Variants in HSF1 observed in about 807,000 individuals in gnomAD.
HSF1 encodes heat shock factor protein 1.
HSF1 carries 32 observed loss-of-function variants against 51.7 expected under a neutral mutation model. The ratio of observed to expected loss-of-function variants is 0.62; its 90% CI spans 0.47 to 0.83. The LOEUF is 0.83. Among genes scored for constraint, HSF1 ranks in the 40% least tolerant of loss-of-function variants. The pLI is 0.00. For synonymous variants in HSF1, 396 were observed against 309.7 expected, an observed-to-expected ratio of 1.28 and a Z score of -2.92; for missense variants, 727 against 717.0, an observed-to-expected ratio of 1.01 and a Z score of -0.16.
intron 1 of HSF1, among the ~76,000 whole-genome samples, chr8:144,306,315 A>T (rs1588648125): frequency 7.1e-6 from 1 of 139,992 alleles, no homozygotes; most frequent in African/African-American, 2.7e-5. Context: ...TATGGGTCCT[A>T]GCTTCTTGTT....
At chr8:144,306,440 G>T (rs1327362922) in intron 1 of HSF1, among the ~76,000 whole-genome samples, 1 of 152,004 alleles carries the variant, frequency 6.6e-6, no homozygotes, top group Non-Finnish European at 1.5e-5. Context: ...ACAGCTCACT[G>T]CAGCCTTCAC....
rs782000489 is a variant in HSF1 at position 144,313,980 on chromosome 8, C to T, written c.1315-5C>T. The T allele has an allele frequency of 1.1e-5, 17 of 1,611,186 alleles. No individual in the cohort carries two copies. The highest frequency in any genetic ancestry group is 1.4e-5 in the Non-Finnish European group (16 of 1,179,482). The stretch of plus-strand genomic sequence containing the variant: ...AGTGCTCACAATACCGTCTCCACCC[C>T]ACAGATCCAAGAGCTCCTGTCTCCC... On this transcript the variant is annotated splice_region_variant and splice_polypyrimidine_tract_variant and intron_variant, in intron 11 of 12. Coordinates refer to ENST00000528838, the MANE Select transcript of HSF1 (RefSeq NM_005526.4).
intron 1 of HSF1, among the ~76,000 whole-genome samples, chr8:144,305,274 G>A (rs555032701): frequency 6.6e-6 from 1 of 151,766 alleles, no homozygotes; most frequent in South Asian, 2.1e-4. Flanking sequence ...GTGTCTCACA[G>A]GTCTCTGAGG....
chr8:144,313,865 C>T lies in HSF1; in HGVS notation c.1268C>T (p.Thr423Ile). Residue 423 changes from threonine (T) to isoleucine (I), a missense_variant, in exon 11 of 13, where the codon ACC (threonine) becomes ATC (isoleucine). Physicochemically the swap from Thr to Ile is moderately conservative, Grantham distance 89 (BLOSUM62 -1). Around this residue, in one of 2 missense-constraint regions of HSF1, gnomAD observed 470 missense variants for 398.8 expected, o/e 1.18. Transcript: ENST00000528838. ...ALLDLFSPSV[T>I]VPDMSLPDLD... ...CCGCAGCTGTTCAGCCCCTCGGTGA[C>T]CGTGCCCGACATGAGCCTGCCTGAC... The T allele has an allele frequency of 6.2e-7, 1 of 1,605,108 alleles. No individual in the cohort carries two copies. Among genetic ancestry groups the T allele is most frequent in the Non-Finnish European group, 8.5e-7 (1 of 1,178,118 alleles).
chr8:144,292,853 T>C (rs1815190485), intron 1 of HSF1, among the ~76,000 whole-genome samples: 1 of 152,152 alleles, frequency 6.6e-6, no homozygotes, highest in South Asian at 2.1e-4. Flanking sequence ...TCTTAGCTAC[T>C]TGGGAGGCTG....
In HSF1 at chr8:144,298,621, GAAAA is replaced by G. The variant is rs1352812232; in HGVS notation, c.117+6750_117+6753del. ...CTCAAAAAAAAAAAAAGAAAGAAAA[GAAAA>G]AACCGGCGAGGACTGAGGTAAACCA... On this transcript the variant is annotated intron_variant, in intron 1 of 12. Transcript: ENST00000528838. Among the ~76,000 whole-genome samples the G allele has an allele frequency of 1.9e-3, 291 of 151,042 alleles. 6 individuals carry two copies. The highest frequency in any genetic ancestry group is 6.3e-4 in the Non-Finnish European group (43 of 67,788).
intron 1 of HSF1, among the ~76,000 whole-genome samples, chr8:144,302,511 A>G (rs1395821790): frequency 6.6e-6 from 1 of 151,480 alleles, no homozygotes; most frequent in Non-Finnish European, 1.5e-5. Flanking sequence ...CATCTAAAAA[A>G]AAAAGATAAT....
In HSF1 at chr8:144,313,492, C is replaced by A; in HGVS notation, c.1143-19C>A. On this transcript the variant is annotated intron_variant, in intron 9 of 12. Transcript: ENST00000528838. Reference sequence around the variant, plus strand: ...GGGGCCTGGGGCACTGGTTCAGGTACCGCCTTATCCCGGGCCAGGAATGAG... The same window carrying A: ...GGGGCCTGGGGCACTGGTTCAGGTAACGCCTTATCCCGGGCCAGGAATGAG... 6.5e-7 allele frequency: 1 copy of A among 1,546,194 alleles called. No individual in the cohort carries two copies. Among genetic ancestry groups the A allele is most frequent in the Non-Finnish European group, 8.9e-7 (1 of 1,119,568 alleles).
At chr8:144,307,896 C>G (rs1360133514) in intron 1 of HSF1, among the ~76,000 whole-genome samples, 1 of 152,252 alleles carries the variant, frequency 6.6e-6, no homozygotes, top group Non-Finnish European at 1.5e-5. Context: ...TTTCAGAGTT[C>G]TGGAAAGTTG....
chr8:144,297,082 C>G lies in HSF1; in HGVS notation c.117+5208C>G, dbSNP rs1554841433. Among the ~76,000 whole-genome samples the G allele has an allele frequency of 6.6e-6, 1 of 152,164 alleles. No homozygotes were observed. Among genetic ancestry groups the G allele is most frequent in the Non-Finnish European group, 1.5e-5 (1 of 68,026 alleles). On this transcript the variant is annotated intron_variant, in intron 1 of 12. Coordinates refer to ENST00000528838, the MANE Select transcript of HSF1 (RefSeq NM_005526.4). This position sits in a 1 kb window ranked among gnomAD's most constrained non-coding sequence, Gnocchi z 4.6. ...TATTGAGGGACCAGGGATGGACAGC[C>G]TGGCCCTGAAAGTCTCTCAGTTTTG...
At chr8:144,304,787 C>G (rs747128384) in intron 1 of HSF1, among the ~76,000 whole-genome samples, 1 of 151,202 alleles carries the variant, frequency 6.6e-6, no homozygotes. Flanking sequence ...GCTGGGATTA[C>G]AGGCATGAGC....
chr8:144,302,943 G>A (rs757938264), intron 1 of HSF1, among the ~76,000 whole-genome samples: 1 of 152,090 alleles, frequency 6.6e-6, no homozygotes, highest in Non-Finnish European at 1.5e-5. Context: ...GAATGCACAC[G>A]AAAACCGCAG....
chr8:144,310,109 T>C (rs1816519167), intron 4 of HSF1: 2 of 586,058 alleles, frequency 3.4e-6, no homozygotes, highest in Non-Finnish European at 6.0e-6. Flanking sequence ...CAGAAGGGGG[T>C]TGGGAGGGTC....
chr8:144,312,660 C>A, intron 9 of HSF1: 1 of 1,535,448 alleles, frequency 6.5e-7, no homozygotes, highest in Non-Finnish European at 8.7e-7. Flanking sequence ...TCTAGGGTCG[C>A]CCGCCTCTTC....
At chr8:144,293,129 G>A (rs571121530) in intron 1 of HSF1, among the ~76,000 whole-genome samples, 1 of 152,358 alleles carries the variant, frequency 6.6e-6, no homozygotes, top group South Asian at 2.1e-4. Context: ...TAGGAATGAA[G>A]AAAAGTCTAA....
rs183233243 is a variant in HSF1, at chr8:144,293,801, G to A, written c.117+1927G>A. 4.0e-3 allele frequency among the ~76,000 whole-genome samples: 608 copies of A among 150,316 alleles called. 5 individuals carry two copies. The highest frequency in any genetic ancestry group is 0.01 in the Middle Eastern group (3 of 292). On this transcript the variant is annotated intron_variant, in intron 1 of 12. Transcript: ENST00000528838. ...AAGGGGAATAACTCCCCCATTGGGG[G>A]AGGGGCATCCGCGATTATCTGGGAT...
chr8:144,293,849 C>G (rs782119149), intron 1 of HSF1, among the ~76,000 whole-genome samples: 1 of 150,986 alleles, frequency 6.6e-6, no homozygotes, highest in African/African-American at 2.4e-5. Context: ...ATCCTACTAG[C>G]GTGATCTGTC....
Position 144,312,232 on chromosome 8 carries a change from C to T in HSF1, c.1130C>T (p.Ala377Val), listed in dbSNP as rs1308029291. Residue 377 changes from alanine (A) to valine (V), a missense_variant, in exon 9 of 13, where the codon GCC (alanine) becomes GTC (valine). Ala to Val is a moderately conservative substitution (Grantham distance 64, BLOSUM62 0). This residue lies in a region of HSF1 where 470 missense variants were observed against 398.8 expected (regional missense o/e 1.18). Coordinates refer to ENST00000528838, the MANE Select transcript of HSF1 (RefSeq NM_005526.4). ...TSTPEKCLSV[A>V]CLDKNELSDH... ...ACCCCTGAAAAGTGCCTCAGCGTAG[C>T]CTGCCTGGACAAGTGAGTGCCGCCC... The T allele has an allele frequency of 1.4e-6, 2 of 1,447,912 alleles. No homozygotes were observed. The highest frequency in any genetic ancestry group is 1.9e-6 in the Non-Finnish European group (2 of 1,078,844). 89.7% of individuals were successfully genotyped at this position (1,447,912 alleles called of 1,614,324 possible).
chr8:144,296,510 C>T (rs1335579707), intron 1 of HSF1, among the ~76,000 whole-genome samples: 1 of 152,178 alleles, frequency 6.6e-6, no homozygotes, highest in Non-Finnish European at 1.5e-5. Flanking sequence ...AGAAGGCACA[C>T]AGCTGGGGCT....
Sources: allele counts gnomAD v4.1 joint callset (sites outside exome capture counted in the v4.1 genomes callset), GRCh38; gene constraint gnomAD v4.1.1; regional missense constraint gnomAD v4.1.1; non-coding constraint Gnocchi (gnomAD v3.1); transcripts MANE v1.5; gene names NCBI Gene and HGNC (gene_info 2026-07-23, HGNC 2026-07-21).